The following TYW1B variants were observed in gnomAD, a reference collection of about 807,000 sequenced individuals.
TYW1B encodes the protein tRNA-yW synthesizing protein 1 homolog B, also known as S-adenosyl-L-methionine-dependent tRNA 4-demethylwyosine synthase TYW1B.
Under a neutral mutation model 86.9 loss-of-function variants are expected in TYW1B, and 73 were observed. That is an observed-to-expected ratio of 0.84 (90% confidence interval 0.70 to 1.02). The LOEUF is 1.02. Among genes scored for constraint, TYW1B ranks in the 50% least tolerant of loss-of-function variants. TYW1B has a pLI of 0.00. For synonymous variants in TYW1B, 248 were observed against 292.8 expected (o/e 0.85, Z 1.56); for missense variants, 637 against 827.4 (o/e 0.77, Z 2.82).
intron 9 of TYW1B, among the ~76,000 whole-genome samples, chr7:72,715,451 A>G (rs1260719919): frequency 9.2e-5 from 14 of 152,288 alleles, no homozygotes; most frequent in Middle Eastern, 3.4e-3. Flanking sequence ...AGAAGGCATT[A>G]AGAGATATGC....
At chr7:72,716,631 C>CTGTTGT (rs138304885) in intron 9 of TYW1B, among the ~76,000 whole-genome samples, 5,493 of 149,150 alleles carry the variant, frequency 0.037, 114 homozygotes, top group African/African-American at 0.045. Context: ...GGGGCTGTGG[C>CTGTTGT]TGTTGTTGTT....
At chr7:72,608,168 G>C (rs1193547610) in intron 13 of TYW1B, among the ~76,000 whole-genome samples, 1 of 152,200 alleles carries the variant, frequency 6.6e-6, no homozygotes, top group Non-Finnish European at 1.5e-5. Context: ...CTGGCTCTAA[G>C]AGAATTGCTA....
rs1423108208 is a variant in TYW1B at position 72,574,693 on chromosome 7, C to T, written c.*805G>A. ...GGAGTCAAAGAAGATGGAGACCCGC[C>T]GTCTGGTCGTGATATGAGAGGCCCG... On this transcript the variant is annotated 3_prime_UTR_variant, in exon 14 of 14. Coordinates refer to ENST00000620995, the MANE Select transcript of TYW1B (RefSeq NM_001145440.3). The T allele has an allele frequency of 4.5e-5, 44 of 985,340 alleles. No homozygotes were observed. In the East Asian group the frequency reaches 3.3e-3, roughly 74 times the overall value. The allele number at this position is 985,340 out of a possible 1,614,324, so 61.0% of individuals were successfully genotyped here.
intron 13 of TYW1B, among the ~76,000 whole-genome samples, chr7:72,606,035 G>A (rs181428191): frequency 0.012 from 1,889 of 152,204 alleles, 40 homozygotes; most frequent in African/African-American, 0.041. Flanking sequence ...TATAAGGCAA[G>A]CAAAAAGATT....
intron 2 of TYW1B, 71 bp from the exon 3 acceptor site, chr7:72,815,552 G>A (rs1788707986): frequency 1.4e-6 from 2 of 1,384,568 alleles, no homozygotes; most frequent in South Asian, 2.6e-5. Flanking sequence ...TACCCCTGTT[G>A]GCACAAGAAT....
chr7:72,705,271 C>T (rs1814584861), intron 10 of TYW1B, among the ~76,000 whole-genome samples: 1 of 152,188 alleles, frequency 6.6e-6, no homozygotes, highest in Admixed American at 6.5e-5. Context: ...AAGAGACATC[C>T]AGTTTATAGA....
intron 8 of TYW1B, among the ~76,000 whole-genome samples, chr7:72,738,151 G>A (rs1787233791): frequency 6.8e-6 from 1 of 147,258 alleles, no homozygotes; most frequent in African/African-American, 2.5e-5. Context: ...CGTGATCTCA[G>A]CTCACTGCAA....
In TYW1B at chr7:72,604,933, G is replaced by A. The variant is rs1200801033; in HGVS notation, c.1785+11739C>T. The stretch of plus-strand genomic sequence containing the variant: ...TGAGCTTTCTGCACCCTTCTATTAC[G>A]TTGGTGCAAAAGTAATTGTGGTCTT... On this transcript the variant is annotated intron_variant, in intron 13 of 13. Coordinates refer to ENST00000620995, the MANE Select transcript of TYW1B (RefSeq NM_001145440.3). 7.9e-5 allele frequency among the ~76,000 whole-genome samples: 12 copies of A among 152,204 alleles called. No individual in the cohort carries two copies. In the East Asian group the frequency reaches 2.1e-3, roughly 27 times the overall value.
chr7:72,752,041 C>T (rs1270809202), intron 7 of TYW1B, among the ~76,000 whole-genome samples: 2 of 152,306 alleles, frequency 1.3e-5, no homozygotes, highest in African/African-American at 4.8e-5. Context: ...CCTCTGGCAG[C>T]CCCAGTATCT....
intron 10 of TYW1B, among the ~76,000 whole-genome samples, chr7:72,699,725 C>T (rs1279871530): frequency 6.6e-6 from 1 of 151,874 alleles, no homozygotes; most frequent in African/African-American, 2.4e-5. Context: ...TCTCGGCTCA[C>T]CACAACCTCC....
chr7:72,761,962 G>A lies in TYW1B; in HGVS notation c.964+15454C>T, dbSNP rs552847369. Among the ~76,000 whole-genome samples, 6 of 152,154 alleles carry A rather than the reference G, an allele frequency of 3.9e-5. No individual in the cohort carries two copies. The East Asian group carries it at 5.8e-4, about 15-fold the overall frequency. On this transcript the variant is annotated intron_variant, in intron 7 of 13. Transcript: ENST00000620995. ...ACAATTCATAAAAGGAATTCTGCAC[G>A]TGATTAAGTTGGCTATAATTAAAAG...
chr7:72,668,630 C>T (rs578235245), intron 11 of TYW1B, among the ~76,000 whole-genome samples: 32 of 152,286 alleles, frequency 2.1e-4, no homozygotes, highest in Admixed American at 1.5e-3. Flanking sequence ...TTTCCCAAAT[C>T]GCCAAACTCT....
At chr7:72,669,647 G>A (rs1227491904) in intron 11 of TYW1B, among the ~76,000 whole-genome samples, 4 of 151,956 alleles carry the variant, frequency 2.6e-5, no homozygotes, top group African/African-American at 9.7e-5. Context: ...GCTTGTGCCT[G>A]TAGTCCCAGC....
chr7:72,626,139 A>G (rs1200062255), intron 12 of TYW1B, among the ~76,000 whole-genome samples: 3 of 151,452 alleles, frequency 2.0e-5, no homozygotes, highest in Non-Finnish European at 2.9e-5. Flanking sequence ...TTTGAAATTA[A>G]GTGCAATTTC....
At chr7:72,646,123 T>C (rs1554442049) in intron 11 of TYW1B, among the ~76,000 whole-genome samples, 1 of 151,824 alleles carries the variant, frequency 6.6e-6, no homozygotes, top group Non-Finnish European at 1.5e-5. Context: ...CATAGCTCAC[T>C]GTACCTGGAA....
intron 8 of TYW1B, among the ~76,000 whole-genome samples, chr7:72,738,760 A>C (rs1423213969): frequency 6.6e-6 from 1 of 152,104 alleles, no homozygotes; most frequent in Non-Finnish European, 1.5e-5. Context: ...ACATCTCTAG[A>C]TAACTAAAAG....
At chr7:72,740,570 T>G (rs1249361641) in intron 8 of TYW1B, among the ~76,000 whole-genome samples, 2 of 150,220 alleles carry the variant, frequency 1.3e-5, no homozygotes, top group Non-Finnish European at 3.0e-5. Context: ...GACACAGACT[T>G]CAGAGGTAAT....
At chr7:72,816,864 A>G (rs1302019660) in intron 2 of TYW1B, among the ~76,000 whole-genome samples, 1 of 151,768 alleles carries the variant, frequency 6.6e-6, no homozygotes, top group Non-Finnish European at 1.5e-5. Flanking sequence ...CTCAACCCCC[A>G]CCCCTCCATA....
In TYW1B at chr7:72,827,010, A is replaced by C. The variant is rs368478873; in HGVS notation, c.5-25T>G. 5 of 1,587,642 alleles carry C rather than the reference A, an allele frequency of 3.1e-6. No individual in the cohort carries two copies. The African/African-American group carries it at 6.8e-5, about 22-fold the overall frequency. On this transcript the variant is annotated intron_variant, in intron 1 of 13. Coordinates refer to ENST00000620995, the MANE Select transcript of TYW1B (RefSeq NM_001145440.3). ...TCTAAATTTAAAATGACACACACAG[A>C]TAATTTCATTTAAAGCTACATATAC...
Sources: gnomAD v4.1 joint callset for allele counts (sites outside exome capture counted in the v4.1 genomes callset) on GRCh38, gnomAD v4.1.1 for gene constraint, MANE v1.5 for transcripts, NCBI Gene and HGNC (gene_info 2026-07-23, HGNC 2026-07-21) for gene names.